The following CDS2 variants were observed in gnomAD, a reference collection of about 807,000 sequenced individuals.
CDS2 encodes the protein phosphatidate cytidylyltransferase 2.
In CDS2, 47 loss-of-function variants were observed where a neutral mutation model predicts 59.0. The ratio of observed to expected loss-of-function variants is 0.80; its 90% confidence interval spans 0.63 to 1.02. The LOEUF (loss-of-function observed/expected upper bound fraction) is 1.02, where lower values mean the gene tolerates loss of function less well. CDS2 is among the 50% of genes least tolerant of loss of function. CDS2 has a pLI of 0.00. For missense variants in CDS2, 356 were observed against 558.9 expected (o/e 0.64, Z 3.66); for synonymous variants, 207 against 206.4 (o/e 1.00, Z -0.02).
chr20:5,173,786 C>A, intron 2 of CDS2, 127 bp downstream of exon 2: 2 of 1,062,316 alleles, frequency 1.9e-6, no homozygotes, highest in African/African-American at 1.6e-5. Context: ...GCCTCCCATG[C>A]CACTGCTCCA....
In CDS2 at chr20:5,184,992, G is replaced by T; in HGVS notation, c.759+47G>T. On this transcript the variant is annotated intron_variant, in intron 8 of 12. Transcript: ENST00000460006. The surrounding 1 kb of genome is among the most constrained non-coding windows in gnomAD (Gnocchi z 4.3). Reference sequence around the variant, plus strand: ...GAAATACCACTGTGAGGGGAGGGTGGTGCTCTCAATGTGAGTAGATCAGCC... The same window carrying T: ...GAAATACCACTGTGAGGGGAGGGTGTTGCTCTCAATGTGAGTAGATCAGCC... 7.3e-7 allele frequency: 1 copy of T among 1,377,884 alleles called. No homozygotes were observed. Among genetic ancestry groups the T allele is most frequent in the Non-Finnish European group, 1.0e-6 (1 of 964,860 alleles). The allele number at this position is 1,377,884 out of a possible 1,614,324, so 85.4% of individuals were successfully genotyped here.
chr20:5,185,078 G>A (rs932560182), intron 8 of CDS2, 133 bp downstream of exon 8: 7 of 654,074 alleles, frequency 1.1e-5, no homozygotes, highest in Admixed American at 7.3e-5. Context: ...TCTTCCTGGA[G>A]AAAGGCCAAA....
intron 2 of CDS2, 31 bp downstream of exon 2, chr20:5,173,690 T>TG: frequency 6.2e-7 from 1 of 1,612,892 alleles, no homozygotes; most frequent in Non-Finnish European, 8.5e-7. Context: ...AGGTGCTTGT[T>TG]GGGGGCTTTG....
At chr20:5,128,866 A>G (rs2083918) in intron 1 of CDS2, 28,407 of 152,132 alleles carry the variant, frequency 0.19, 4,271 homozygotes, top group African/African-American at 0.41. Context: ...GAAAGAAGGC[A>G]TGATAGCTGG....
chr20:5,183,940 G>A (rs1267457835), intron 7 of CDS2, among the ~76,000 whole-genome samples: 1 of 152,156 alleles, frequency 6.6e-6, no homozygotes, highest in Non-Finnish European at 1.5e-5. Flanking sequence ...GGCGGATCAC[G>A]AGGTCAGGAG....
At chr20:5,151,723 C>G (rs2090791158) in intron 1 of CDS2, among the ~76,000 whole-genome samples, 1 of 149,968 alleles carries the variant, frequency 6.7e-6, no homozygotes, top group Admixed American at 6.6e-5. Flanking sequence ...TAGGCATGAG[C>G]CACCATGCCT....
Position 5,127,123 on chromosome 20 carries a change from G to C in CDS2, c.31G>C (p.Glu11Gln). 1 of 1,497,244 alleles carries C rather than the reference G, an allele frequency of 6.7e-7. No homozygotes were observed. 92.7% of individuals were successfully genotyped at this position (1,497,244 alleles called of 1,614,324 possible). The part of the protein sequence containing the change: MTELRQRVAH[E>Q]PVAPPEDKES... The stretch of plus-strand genomic sequence containing the variant: ...AGAGCTGAGGCAGAGGGTGGCCCAT[G>C]AGCCGGTTGCGCCACCCGAGGACAA... Residue 11 changes from glutamate (E) to glutamine (Q), a missense_variant, in exon 1 of 13, where the codon GAG (glutamate) becomes CAG (glutamine). Physicochemically the swap from Glu to Gln is conservative, Grantham distance 29. Around this residue, in one of 5 missense-constraint regions of CDS2, gnomAD observed 107 missense variants for 129.7 expected, o/e 0.82. Coordinates refer to ENST00000460006, the MANE Select transcript of CDS2 (RefSeq NM_003818.4).
intron 1 of CDS2, among the ~76,000 whole-genome samples, chr20:5,148,497 T>C (rs2090762032): frequency 6.6e-6 from 1 of 152,186 alleles, no homozygotes; most frequent in South Asian, 2.1e-4. Context: ...TCATGGAGAC[T>C]GGTAGGCTGG....
chr20:5,163,778 A>C (rs1407301506), intron 1 of CDS2, among the ~76,000 whole-genome samples: 1 of 147,562 alleles, frequency 6.8e-6, no homozygotes, highest in African/African-American at 2.5e-5. Context: ...TGGCTTTCAT[A>C]ATTTCTTTCT....
rs1488335072 is a variant in CDS2, at chr20:5,127,014, C to A, written c.-79C>A. 25 of 1,363,600 alleles carry A rather than the reference C, an allele frequency of 1.8e-5. No individual in the cohort carries two copies. The highest frequency in any genetic ancestry group is 2.4e-5 in the Non-Finnish European group (25 of 1,030,646). The allele number at this position is 1,363,600 out of a possible 1,614,324, so 84.5% of individuals were successfully genotyped here. ...GCGGGGCGGGGCCGGCCGTGGGAGT[C>A]CGCGCGTGCCCGCGCCGAGCTGCCT... On this transcript the variant is annotated 5_prime_UTR_variant, in exon 1 of 13. Coordinates refer to ENST00000460006, the MANE Select transcript of CDS2 (RefSeq NM_003818.4).
At chr20:5,156,911 C>T (rs529631571) in intron 1 of CDS2, among the ~76,000 whole-genome samples, 45 of 152,286 alleles carry the variant, frequency 3.0e-4, no homozygotes, top group African/African-American at 1.0e-3. Context: ...GTTACGTGTT[C>T]TTGTCATCTC....
At chr20:5,170,520 G>C (rs537437487) in intron 1 of CDS2, among the ~76,000 whole-genome samples, 1 of 152,366 alleles carries the variant, frequency 6.6e-6, no homozygotes, top group East Asian at 1.9e-4. Context: ...GAGCCAGGTG[G>C]CTGGCTGACC....
chr20:5,165,839 T>A (rs2090909626), intron 1 of CDS2, among the ~76,000 whole-genome samples: 1 of 152,130 alleles, frequency 6.6e-6, no homozygotes, highest in Non-Finnish European at 1.5e-5. Context: ...AGAGGGTGGT[T>A]TGCAGACTGT....
At chr20:5,138,919 G>T (rs1229934518) in intron 1 of CDS2, among the ~76,000 whole-genome samples, 1 of 152,100 alleles carries the variant, frequency 6.6e-6, no homozygotes, top group Non-Finnish European at 1.5e-5. Flanking sequence ...ATCTGTATGG[G>T]ATCACAAAAG....
intron 2 of CDS2, among the ~76,000 whole-genome samples, chr20:5,174,583 G>A (rs2090980530): frequency 6.6e-6 from 1 of 152,000 alleles, no homozygotes; most frequent in South Asian, 2.1e-4. Flanking sequence ...AAATTAGCTG[G>A]GTGTGGTGGC....
At chr20:5,152,250 T>G (rs1476870926) in intron 1 of CDS2, among the ~76,000 whole-genome samples, 1 of 152,134 alleles carries the variant, frequency 6.6e-6, no homozygotes, top group Non-Finnish European at 1.5e-5. Flanking sequence ...CTGCAACTCA[T>G]TCCTCTTAAG....
rs2091146717 is a variant in CDS2, at chr20:5,195,100, C to G, written c.*4866C>G. The G allele has an allele frequency of 6.6e-6, 1 of 152,134 alleles. No homozygotes were observed. The highest frequency in any genetic ancestry group is 2.4e-5 in the African/African-American group (1 of 41,400). 9.4% of individuals were successfully genotyped at this position (152,134 alleles called of 1,614,324 possible). A position where few individuals can be genotyped will look rare whatever the true frequency, so the allele number is the denominator to read the frequency against. On this transcript the variant is annotated 3_prime_UTR_variant, in exon 13 of 13. Transcript: ENST00000460006. Reference sequence around the variant, plus strand: ...GCTTCTACCTTGAAGGCAGTTGGGTCTGATAATAGTACCTTCTTCCTGGGG... The same window carrying G: ...GCTTCTACCTTGAAGGCAGTTGGGTGTGATAATAGTACCTTCTTCCTGGGG...
chr20:5,144,458 G>A (rs977429177), intron 1 of CDS2, among the ~76,000 whole-genome samples: 1 of 152,168 alleles, frequency 6.6e-6, no homozygotes, highest in African/African-American at 2.4e-5. Flanking sequence ...TAGTGTTGGT[G>A]TTCCTGTGGA....
chr20:5,195,546 C>G lies in CDS2; in HGVS notation c.*5312C>G, dbSNP rs572595948. 2 of 152,586 alleles carry G rather than the reference C, an allele frequency of 1.3e-5. No individual in the cohort carries two copies. The highest frequency in any genetic ancestry group is 1.3e-4 in the Admixed American group (2 of 15,304). 9.5% of individuals were successfully genotyped at this position (152,586 alleles called of 1,614,324 possible). ...GTACCTCCACTCTGGGCAGGGAGGG[C>G]CTGTCTGTGACTCGCTCTGGACCCC... On this transcript the variant is annotated 3_prime_UTR_variant, in exon 13 of 13. Transcript: ENST00000460006.
Sources: allele counts gnomAD v4.1 joint callset (sites outside exome capture counted in the v4.1 genomes callset), GRCh38; gene constraint gnomAD v4.1.1; regional missense constraint gnomAD v4.1.1; non-coding constraint Gnocchi (gnomAD v3.1); transcripts MANE v1.5; gene names NCBI Gene and HGNC (gene_info 2026-07-23, HGNC 2026-07-21).